Variants in ADGRL2 observed in about 807,000 individuals in gnomAD.
ADGRL2 encodes calcium-independent alpha-latrotoxin receptor 2.
A neutral mutation model predicts 157.4 loss-of-function variants in ADGRL2; 44 were observed. The observed-to-expected ratio is 0.28, with a 90% CI of 0.22 to 0.36. The LOEUF (loss-of-function observed/expected upper bound fraction) is 0.36, where lower values mean the gene tolerates loss of function less well. ADGRL2 is among the 10% of genes least tolerant of loss of function. The pLI is 1.00. For missense variants in ADGRL2, 1,510 were observed against 1,768.9 expected, an observed-to-expected ratio of 0.85 and a Z score of 2.63; for synonymous variants, 585 against 624.7, an observed-to-expected ratio of 0.94 and a Z score of 0.95.
Position 81,991,273 on chromosome 1 carries a change from A to G in ADGRL2, c.*128A>G. ...TTGACCTGTGGTTCTCTGGTGTAAA[A>G]AAGATGACTGAACCTTGCAGTTCTG... On this transcript the variant is annotated 3_prime_UTR_variant, in exon 24 of 24. Transcript: ENST00000686636. 2.4e-6 allele frequency: 2 copies of G among 832,660 alleles called. No individual in the cohort carries two copies. The highest frequency in any genetic ancestry group is 3.7e-6 in the Non-Finnish European group (2 of 538,562). 51.6% of individuals were successfully genotyped at this position (832,660 alleles called of 1,614,324 possible).
At chr1:81,700,886 C>A (rs2083556242) in intron 1 of ADGRL2, among the ~76,000 whole-genome samples, 1 of 152,322 alleles carries the variant, frequency 6.6e-6, no homozygotes, top group Non-Finnish European at 1.5e-5. Flanking sequence ...AAGATATGAC[C>A]AGTTTGCAGT....
At chr1:81,412,847 T>C (rs757330090) in intron 1 of ADGRL2, among the ~76,000 whole-genome samples, 1 of 152,118 alleles carries the variant, frequency 6.6e-6, no homozygotes, top group Non-Finnish European at 1.5e-5. Context: ...CAGTTTTAAA[T>C]AGACAGAGCT....
intron 2 of ADGRL2, among the ~76,000 whole-genome samples, chr1:81,782,041 A>G (rs1053632921): frequency 2.0e-5 from 3 of 152,126 alleles, no homozygotes; most frequent in Non-Finnish European, 4.4e-5. Flanking sequence ...GTATTTTTGC[A>G]GGTTTGTTTT....
At chr1:81,505,233 C>T (rs979898447) in intron 2 of ADGRL2, 8 of 534,472 alleles carry the variant, frequency 1.5e-5, no homozygotes, top group African/African-American at 1.5e-4. Context: ...CACACACCAT[C>T]TCCCGAGGGC....
At chr1:81,345,001 C>A (rs370618919) in intron 1 of ADGRL2, among the ~76,000 whole-genome samples, 24 of 152,062 alleles carry the variant, frequency 1.6e-4, no homozygotes, top group African/African-American at 5.8e-4. Context: ...ATTATAAAAA[C>A]TGGTCATGAA....
chr1:81,578,278 A>T (rs1424754831), intron 2 of ADGRL2, among the ~76,000 whole-genome samples: 8 of 152,184 alleles, frequency 5.3e-5, no homozygotes. Context: ...GATCAGAGAG[A>T]ACGTACCAAA....
intron 3 of ADGRL2, among the ~76,000 whole-genome samples, chr1:81,603,256 C>T (rs1262780184): frequency 1.3e-5 from 2 of 152,028 alleles, no homozygotes; most frequent in East Asian, 3.9e-4. Flanking sequence ...CTCAGTGGGC[C>T]ATTTGTTCTT....
chr1:81,697,899 A>T (rs1416733057), upstream of ADGRL2, among the ~76,000 whole-genome samples: 1 of 152,218 alleles, frequency 6.6e-6, no homozygotes, highest in Non-Finnish European at 1.5e-5. Flanking sequence ...GTGCAGAACA[A>T]GGCAGGCATC....
At chr1:81,345,791 A>G (rs915603623) in intron 1 of ADGRL2, among the ~76,000 whole-genome samples, 1 of 152,134 alleles carries the variant, frequency 6.6e-6, no homozygotes, top group Non-Finnish European at 1.5e-5. Context: ...TGCTTAGAAT[A>G]TTTTTCATTC....
At chr1:81,565,877 T>C (rs2080548730) in intron 2 of ADGRL2, among the ~76,000 whole-genome samples, 1 of 152,174 alleles carries the variant, frequency 6.6e-6, no homozygotes, top group Non-Finnish European at 1.5e-5. Flanking sequence ...ATCTATTGAT[T>C]AGAAGTAGAT....
rs1572270654 is a variant in ADGRL2 at position 81,943,908 on chromosome 1, G to A, written c.1210+139G>A. The A allele has an allele frequency of 7.7e-6, 5 of 645,294 alleles. No homozygotes were observed. Among genetic ancestry groups the A allele is most frequent in the Non-Finnish European group, 1.3e-5 (5 of 384,474 alleles). 40.0% of individuals were successfully genotyped at this position (645,294 alleles called of 1,614,324 possible). On this transcript the variant is annotated intron_variant, in intron 6 of 23. Coordinates refer to ENST00000686636, the MANE Select transcript of ADGRL2 (RefSeq NM_001366006.2). This position sits in a 1 kb window ranked among gnomAD's most constrained non-coding sequence, Gnocchi z 5.6. ...AAGGACAATGTTGTGGTACATTTTA[G>A]CCTTATTATGGTTCGTTTTCTTTTT... is the stretch of plus-strand genomic sequence containing the variant.
chr1:81,910,244 CAATAAT>C (rs10631240), intron 3 of ADGRL2, among the ~76,000 whole-genome samples: 53 of 143,050 alleles, frequency 3.7e-4, no homozygotes, highest in African/African-American at 5.7e-4. Flanking sequence ...GCCTAAAAAA[CAATAAT>C]AATAATAATA....
At chr1:81,480,222 G>A (rs1416870565) in intron 2 of ADGRL2, among the ~76,000 whole-genome samples, 7 of 152,148 alleles carry the variant, frequency 4.6e-5, no homozygotes, top group African/African-American at 1.7e-4. Context: ...TTGGCCTGGT[G>A]GATGAACTTT....
chr1:81,845,600 T>G (rs2092756679), intron 2 of ADGRL2, among the ~76,000 whole-genome samples: 2 of 152,028 alleles, frequency 1.3e-5, no homozygotes, highest in Admixed American at 6.6e-5. Flanking sequence ...TAGATTTATT[T>G]ATTGGTTAGT....
intron 2 of ADGRL2, among the ~76,000 whole-genome samples, chr1:81,848,248 A>G (rs566646152): frequency 3.9e-5 from 6 of 151,916 alleles, no homozygotes; most frequent in Non-Finnish European, 5.9e-5. Flanking sequence ...AAAGTAAGTT[A>G]GTAGCAAATT....
At chr1:81,445,772 G>C (rs1020200665) in intron 2 of ADGRL2, among the ~76,000 whole-genome samples, 1 of 152,144 alleles carries the variant, frequency 6.6e-6, no homozygotes, top group Non-Finnish European at 1.5e-5. Flanking sequence ...TCATTTACCA[G>C]CTATGTGGCT....
rs554621329 is a variant in ADGRL2, at chr1:81,948,833, G to C, written c.1211-1356G>C. On this transcript the variant is annotated intron_variant, in intron 6 of 23. Transcript: ENST00000686636. Reference sequence around the variant, plus strand: ...TTTAGAAGTTTCTCTTGAGGTAGAGGGGGGGAAAGGAATAAAACGTGTATA... The same window carrying C: ...TTTAGAAGTTTCTCTTGAGGTAGAGCGGGGGAAAGGAATAAAACGTGTATA... 2.0e-4 allele frequency among the ~76,000 whole-genome samples: 30 copies of C among 152,224 alleles called. 1 individual carries two copies. In the East Asian group the frequency reaches 3.3e-3, roughly 17 times the overall value.
At chr1:81,632,963 A>G (rs1167092342) in intron 3 of ADGRL2, among the ~76,000 whole-genome samples, 3 of 152,312 alleles carry the variant, frequency 2.0e-5, no homozygotes, top group East Asian at 3.9e-4. Context: ...TTTATATACC[A>G]AAGTCTATTT....
chr1:81,782,170 C>T (rs1035577236), intron 2 of ADGRL2, among the ~76,000 whole-genome samples: 1 of 152,146 alleles, frequency 6.6e-6, no homozygotes, highest in South Asian at 2.1e-4. Flanking sequence ...CCAGTGCCTA[C>T]CAGCCAAATG....
Sources: gnomAD v4.1 joint callset for allele counts (sites outside exome capture counted in the v4.1 genomes callset) on GRCh38, gnomAD v4.1.1 for gene constraint, Gnocchi (gnomAD v3.1) non-coding constraint, MANE v1.5 for transcripts, NCBI Gene and HGNC (gene_info 2026-07-23, HGNC 2026-07-21) for gene names.